The following NDST3 variants were observed in gnomAD, a reference collection of about 807,000 sequenced individuals.
NDST3 encodes the protein N-deacetylase and N-sulfotransferase 3.
A neutral mutation model predicts 96.1 loss-of-function variants in NDST3; 58 were observed. The observed-to-expected ratio is 0.60, with a 90% confidence interval of 0.49 to 0.75. The LOEUF is 0.75. NDST3 is among the 30% of genes least tolerant of loss of function. The pLI is 0.00. For synonymous variants in NDST3, 333 were observed against 359.7 expected, an observed-to-expected ratio of 0.93 and a Z score of 0.84; for missense variants, 788 against 1,034.2, an observed-to-expected ratio of 0.76 and a Z score of 3.27.
intron 5 of NDST3, among the ~76,000 whole-genome samples, chr4:118,140,749 C>A (rs1733506191): frequency 6.6e-6 from 1 of 152,080 alleles, no homozygotes; most frequent in African/African-American, 2.4e-5. Context: ...CGGGAAGAGC[C>A]CCTTATAAAA....
rs567118365 is a variant in NDST3 at position 118,193,549 on chromosome 4, G to A, written c.1540-30942G>A. On this transcript the variant is annotated intron_variant, in intron 6 of 13. Coordinates refer to ENST00000296499, the MANE Select transcript of NDST3 (RefSeq NM_004784.3). ...CAGCCAGCCTCTCAAACGTGTTGGC[G>A]TAGAGCGTCTTCTCCCAGGCAAGCT... 103 of 1,018,234 alleles carry A rather than the reference G, an allele frequency of 1.0e-4. 2 individuals carry two copies. Among genetic ancestry groups the A allele is most frequent in the Middle Eastern group, 3.1e-4 (1 of 3,200 alleles). The allele number at this position is 1,018,234 out of a possible 1,614,324, so 63.1% of individuals were successfully genotyped here.
chr4:118,040,637 ATT>A (rs1724390290), intron 1 of NDST3, among the ~76,000 whole-genome samples: 1 of 151,664 alleles, frequency 6.6e-6, no homozygotes, highest in Non-Finnish European at 1.5e-5. Context: ...TAGCAGATAA[ATT>A]TTGTTTGTTC....
intron 6 of NDST3, among the ~76,000 whole-genome samples, chr4:118,207,995 TTATAA>T (rs1482900506): frequency 1.4e-5 from 2 of 144,356 alleles, no homozygotes; most frequent in African/African-American, 2.6e-5. Flanking sequence ...AAGGAAACAT[TTATAA>T]ACCCTAGTTC....
chr4:118,083,853 T>C (rs754993934), intron 2 of NDST3, among the ~76,000 whole-genome samples: 1 of 152,200 alleles, frequency 6.6e-6, no homozygotes, highest in African/African-American at 2.4e-5. Flanking sequence ...AGTCTGACTC[T>C]GTGCCTTTAC....
At chr4:118,193,213 A>G (rs1009885904) in intron 6 of NDST3, among the ~76,000 whole-genome samples, 3 of 152,136 alleles carry the variant, frequency 2.0e-5, no homozygotes, top group African/African-American at 7.2e-5. Flanking sequence ...AGGGGGTGAC[A>G]CCACCTAAAA....
At chr4:118,126,386 G>A (rs1426765669) in intron 4 of NDST3, among the ~76,000 whole-genome samples, 1 of 151,692 alleles carries the variant, frequency 6.6e-6, no homozygotes, top group Non-Finnish European at 1.5e-5. Context: ...GTCTTTCTGT[G>A]TCTTGGTTAT....
chr4:118,201,634 T>C (rs1045988772), intron 6 of NDST3, among the ~76,000 whole-genome samples: 1 of 152,174 alleles, frequency 6.6e-6, no homozygotes, highest in African/African-American at 2.4e-5. Flanking sequence ...TGAAGTTATT[T>C]GGTGTTTTGC....
At chr4:118,090,373 T>C (rs1025732255) in intron 2 of NDST3, among the ~76,000 whole-genome samples, 1 of 151,996 alleles carries the variant, frequency 6.6e-6, no homozygotes, top group African/African-American at 2.4e-5. Flanking sequence ...GTTGAAAGGC[T>C]CATTCTAAAC....
intron 6 of NDST3, among the ~76,000 whole-genome samples, chr4:118,217,642 G>C (rs886465932): frequency 6.6e-6 from 1 of 151,896 alleles, no homozygotes; most frequent in Non-Finnish European, 1.5e-5. Context: ...TCTAAGTCAA[G>C]GAGAAAGAAG....
intron 1 of NDST3, among the ~76,000 whole-genome samples, chr4:118,052,477 T>A (rs1444751902): frequency 6.6e-6 from 1 of 152,006 alleles, no homozygotes; most frequent in Non-Finnish European, 1.5e-5. Flanking sequence ...ACCGTAAATG[T>A]CAGCATCCCA....
chr4:118,241,528 A>G (rs986072483), intron 11 of NDST3, among the ~76,000 whole-genome samples: 5 of 152,156 alleles, frequency 3.3e-5, no homozygotes, highest in African/African-American at 1.2e-4. Flanking sequence ...TTTCTTGAGG[A>G]ACTTTGTCCA....
rs571563151 is a variant in NDST3 at position 118,150,947 on chromosome 4, T to C, written c.1539+7263T>C. The stretch of plus-strand genomic sequence containing the variant: ...AAAGACACATGCACACGTATGTTTA[T>C]TGCAGCATTATTCACAATAGCAAAG... On this transcript the variant is annotated intron_variant, in intron 6 of 13. Transcript: ENST00000296499. Among the ~76,000 whole-genome samples the C allele has an allele frequency of 7.2e-3, 1,055 of 146,928 alleles. 19 individuals are homozygous for C. Among genetic ancestry groups the C allele is most frequent in the African/African-American group, 0.027 (1,000 of 36,530 alleles).
intron 2 of NDST3, among the ~76,000 whole-genome samples, chr4:118,099,266 T>C (rs1219148273): frequency 6.6e-6 from 1 of 152,012 alleles, no homozygotes; most frequent in Admixed American, 6.6e-5. Context: ...GCCATGGTCA[T>C]GTATGTTGGT....
intron 1 of NDST3, among the ~76,000 whole-genome samples, chr4:118,048,988 T>G (rs976281183): frequency 2.0e-5 from 3 of 152,132 alleles, no homozygotes; most frequent in African/African-American, 7.2e-5. Flanking sequence ...GAAGGAAGTC[T>G]CAATAAATTT....
chr4:118,186,135 T>C (rs1413376401), intron 6 of NDST3, among the ~76,000 whole-genome samples: 1 of 152,130 alleles, frequency 6.6e-6, no homozygotes, highest in Non-Finnish European at 1.5e-5. Flanking sequence ...TCTGGTCTGT[T>C]TTAGGACCTA....
At chr4:118,223,052 A>G (rs1438545007) in intron 6 of NDST3, among the ~76,000 whole-genome samples, 1 of 151,978 alleles carries the variant, frequency 6.6e-6, no homozygotes, top group Non-Finnish European at 1.5e-5. Flanking sequence ...TTAAAAATAC[A>G]CATTTTTAAA....
chr4:118,237,129 A>T lies in NDST3; in HGVS notation c.2027A>T (p.Glu676Val), dbSNP rs757955201. ...AGTGCCAATTACTTCCACTCAGAGG[A>T]AGCCCCTAAAAGAGCTGCTTCTCTG... ...EKSANYFHSE[E>V]APKRAASLVP... Residue 676 changes from glutamate (E) to valine (V), a missense_variant, in exon 10 of 14, where the codon GAA becomes GTA. This residue lies in a region of NDST3 where 490 missense variants were observed against 708.8 expected (regional missense o/e 0.69). Transcript: ENST00000296499. 9 of 1,613,500 alleles carry T rather than the reference A, an allele frequency of 5.6e-6. No homozygotes were observed. The East Asian group carries it at 1.8e-4, about 32-fold the overall frequency.
At chr4:118,074,417 T>C (rs1727329001) in intron 2 of NDST3, among the ~76,000 whole-genome samples, 1 of 152,184 alleles carries the variant, frequency 6.6e-6, no homozygotes, top group Admixed American at 6.5e-5. Context: ...ATTTTGTGAA[T>C]CTGGGTGCTC....
At chr4:118,146,455 A>G (rs1733953415) in intron 6 of NDST3, among the ~76,000 whole-genome samples, 1 of 152,222 alleles carries the variant, frequency 6.6e-6, no homozygotes, top group African/African-American at 2.4e-5. Context: ...ATATGTCAAC[A>G]TAATATCAAG....
Sources: allele counts gnomAD v4.1 joint callset (sites outside exome capture counted in the v4.1 genomes callset), GRCh38; gene constraint gnomAD v4.1.1; regional missense constraint gnomAD v4.1.1; transcripts MANE v1.5; gene names NCBI Gene and HGNC (gene_info 2026-07-23, HGNC 2026-07-21).